The following FAM120B variants were observed in gnomAD, a reference collection of about 807,000 sequenced individuals.
FAM120B encodes constitutive coactivator of peroxisome proliferator-activated receptor gamma.
FAM120B carries 83 observed loss-of-function variants against 96.3 expected under a neutral mutation model. The observed-to-expected ratio is 0.86, with a 90% confidence interval of 0.72 to 1.03. FAM120B has a LOEUF of 1.03. Among genes scored for constraint, FAM120B ranks in the 50% least tolerant of loss-of-function variants. The pLI is 0.00. For synonymous variants in FAM120B, 407 were observed against 402.7 expected (o/e 1.01, Z -0.13); for missense variants, 1,027 against 1,121.2 (o/e 0.92, Z 1.20).
At chr6:170,352,164 A>G (rs1022275853) in intron 5 of FAM120B, among the ~76,000 whole-genome samples, 2 of 152,246 alleles carry the variant, frequency 1.3e-5, no homozygotes, top group Non-Finnish European at 2.9e-5. Flanking sequence ...AACAGACTTT[A>G]AACCAACAAA....
intron 6 of FAM120B, among the ~76,000 whole-genome samples, chr6:170,361,214 A>ATATATACGTGTG: frequency 1.0e-5 from 1 of 100,094 alleles, no homozygotes; most frequent in East Asian, 1.2e-3. Context: ...ATATATATAT[A>ATATATACGTGTG]TATATATATA....
chr6:170,336,433 T>C (rs9366209), intron 4 of FAM120B, among the ~76,000 whole-genome samples: 15,922 of 152,294 alleles, frequency 0.1, 1,041 homozygotes, highest in East Asian at 0.2. Flanking sequence ...TTTTGGTTAC[T>C]GTAGCCTTGT....
rs1233834657 is a variant in FAM120B, at chr6:170,319,013, G to C, written c.1623G>C (p.Lys541Asn). ...KLPVATDFEF[K>N]LEALMCTNPE... ...CTGTAGCAACAGATTTTGAATTTAA[G>C]CTAGAAGCTCTCATGTGTACAAACC... Residue 541 changes from lysine to asparagine, a missense_variant, in exon 2 of 11, where the codon AAG (lysine) becomes AAC (asparagine). Physicochemically the swap from Lys to Asn is moderately conservative, Grantham distance 94 (BLOSUM62 0). Around this residue, in one of 3 missense-constraint regions of FAM120B, gnomAD observed 880 missense variants for 980.9 expected, o/e 0.90. Transcript: ENST00000476287. 2 of 1,613,964 alleles carry C rather than the reference G, an allele frequency of 1.2e-6. No homozygotes were observed. The highest frequency in any genetic ancestry group is 1.7e-6 in the Non-Finnish European group (2 of 1,180,000).
intron 3 of FAM120B, among the ~76,000 whole-genome samples, chr6:170,324,218 A>T (rs540186735): frequency 6.6e-6 from 1 of 152,172 alleles, no homozygotes; most frequent in Admixed American, 6.5e-5. Context: ...CATCATTATT[A>T]TTTTTGGATG....
At chr6:170,331,931 A>T (rs1786077087) in intron 4 of FAM120B, among the ~76,000 whole-genome samples, 1 of 152,224 alleles carries the variant, frequency 6.6e-6, no homozygotes, top group Admixed American at 6.5e-5. Flanking sequence ...GCCACGTCTC[A>T]AACACACTCA....
At chr6:170,359,246 C>G (rs915679444) in intron 6 of FAM120B, among the ~76,000 whole-genome samples, 1 of 151,962 alleles carries the variant, frequency 6.6e-6, no homozygotes, top group African/African-American at 2.4e-5. Context: ...ACTAAAAATA[C>G]AAAAATTAGC....
rs190962751 is a variant in FAM120B, at chr6:170,300,471, C to G, written c.48+5018C>G. 1.4e-4 allele frequency among the ~76,000 whole-genome samples: 21 copies of G among 152,226 alleles called. 1 individual carries two copies. On this transcript the variant is annotated intron_variant, in intron 1 of 10. Coordinates refer to the FAM120B transcript ENST00000537664. Reference sequence around the variant, plus strand: ...GGGGATACAGCAAAACCATATAATTCCACTCCTGGTCCCTCCCAAATCTCA... The same window carrying G: ...GGGGATACAGCAAAACCATATAATTGCACTCCTGGTCCCTCCCAAATCTCA...
chr6:170,346,886 ACTCAT>A (rs1787229247), intron 4 of FAM120B, among the ~76,000 whole-genome samples: 1 of 151,506 alleles, frequency 6.6e-6, no homozygotes, highest in African/African-American at 2.4e-5. Flanking sequence ...GTTGTCTTGG[ACTCAT>A]CTCTATCTTA....
At chr6:170,291,018 A>C (rs1247988777), upstream of FAM120B, 4 of 701,660 alleles carry the variant, frequency 5.7e-6, no homozygotes, top group Non-Finnish European at 1.0e-5. Flanking sequence ...ATCTGGCGAG[A>C]GCTGTCACAA....
At chr6:170,397,747 T>G (rs1376000191) in intron 9 of FAM120B, among the ~76,000 whole-genome samples, 6 of 152,130 alleles carry the variant, frequency 3.9e-5, no homozygotes, top group Non-Finnish European at 8.8e-5. Flanking sequence ...CTTCCCACCC[T>G]GGAGATCCGT....
At position 170,318,617 on chromosome 6, in the gene FAM120B, C is replaced by G. The variant is rs1785074657; in HGVS notation, c.1227C>G (p.Pro409=). ...TTCCCATGTGTTCAGACCCTGAACC[C>G]AGGCAAGAAGTTCCCATGTGTACAG... The part of the protein sequence containing the change: ...REVPMCSDPE[P]RQEVPMCTGP... Residue 409 remains proline, a synonymous_variant, in exon 2 of 11, where the codon CCC becomes CCG. Coordinates refer to ENST00000476287, the MANE Select transcript of FAM120B (RefSeq NM_032448.3). 6.3e-7 allele frequency: 1 copy of G among 1,597,594 alleles called. No individual in the cohort carries two copies. Among genetic ancestry groups the G allele is most frequent in the Non-Finnish European group, 8.5e-7 (1 of 1,171,128 alleles).
intron 5 of FAM120B, among the ~76,000 whole-genome samples, chr6:170,353,855 T>G (rs1345691050): frequency 6.6e-6 from 1 of 152,160 alleles, no homozygotes; most frequent in Non-Finnish European, 1.5e-5. Context: ...CCCAAAGTAA[T>G]TTATAGATTC....
intron 4 of FAM120B, among the ~76,000 whole-genome samples, chr6:170,337,041 A>T (rs1415593491): frequency 6.6e-6 from 1 of 152,100 alleles, no homozygotes; most frequent in Admixed American, 6.5e-5. Context: ...TTCTTGCCTG[A>T]TTGCCCTGGA....
chr6:170,382,783 A>G (rs529599456), intron 6 of FAM120B, among the ~76,000 whole-genome samples: 1 of 152,356 alleles, frequency 6.6e-6, no homozygotes, highest in South Asian at 2.1e-4. Flanking sequence ...TTTTTTGTAG[A>G]TGCGCAAGAT....
At chr6:170,356,847 G>C (rs1265797603) in intron 5 of FAM120B, among the ~76,000 whole-genome samples, 1 of 152,150 alleles carries the variant, frequency 6.6e-6, no homozygotes, top group Non-Finnish European at 1.5e-5. Flanking sequence ...ATATCCTCTG[G>C]AAAGGTAAGT....
At chr6:170,338,779 G>A (rs112478840) in intron 4 of FAM120B, among the ~76,000 whole-genome samples, 1 of 149,720 alleles carries the variant, frequency 6.7e-6, no homozygotes, top group Non-Finnish European at 1.5e-5. Context: ...ATGTAATACC[G>A]CTTTGTCTTT....
chr6:170,350,810 G>T (rs1428979440), intron 5 of FAM120B, among the ~76,000 whole-genome samples: 1 of 152,196 alleles, frequency 6.6e-6, no homozygotes, highest in Non-Finnish European at 1.5e-5. Context: ...AAAGATCAAA[G>T]ATAGATAAGC....
upstream of FAM120B, among the ~76,000 whole-genome samples, chr6:170,305,259 C>T (rs747519673): frequency 5.3e-5 from 8 of 152,106 alleles, no homozygotes; most frequent in Non-Finnish European, 1.0e-4. Flanking sequence ...GTTTATGTCC[C>T]CAACCACGAT....
chr6:170,372,397 A>G (rs1298177336), intron 6 of FAM120B, among the ~76,000 whole-genome samples: 2 of 110,992 alleles, frequency 1.8e-5, no homozygotes, highest in Non-Finnish European at 3.3e-5. Context: ...TTATTCCAAG[A>G]TGATGGTAGT....
Sources: gnomAD v4.1 joint callset for allele counts (sites outside exome capture counted in the v4.1 genomes callset) on GRCh38, gnomAD v4.1.1 for gene constraint, gnomAD v4.1.1 regional missense constraint, MANE v1.5 for transcripts, NCBI Gene and HGNC (gene_info 2026-07-23, HGNC 2026-07-21) for gene names.